The following RBFOX1 variants were observed in gnomAD, a reference collection of about 807,000 sequenced individuals.
RBFOX1 encodes the protein RNA binding fox-1 homolog 1.
Under a neutral mutation model 57.7 loss-of-function variants are expected in RBFOX1, and 8 were observed. The observed-to-expected ratio is 0.14, with a 90% CI of 0.08 to 0.25. The LOEUF (loss-of-function observed/expected upper bound fraction) is 0.25. Among genes scored for constraint, RBFOX1 ranks in the 10% least tolerant of loss-of-function variants. The pLI, the probability that RBFOX1 is intolerant of heterozygous loss-of-function variation, is 1.00. For missense variants in RBFOX1, 611 were observed against 548.5 expected (o/e 1.11, Z -1.14); for synonymous variants, 326 against 222.4 (o/e 1.47, Z -4.15).
chr16:5,614,821 C>T (rs1001139837), intron 3 of RBFOX1, among the ~76,000 whole-genome samples: 1 of 152,078 alleles, frequency 6.6e-6, no homozygotes, highest in African/African-American at 2.4e-5. Flanking sequence ...CATTCCTGGC[C>T]AAGATAATAT....
intron 2 of RBFOX1, among the ~76,000 whole-genome samples, chr16:6,419,214 T>G (rs113636261): frequency 0.018 from 2,685 of 152,296 alleles, 32 homozygotes; most frequent in Middle Eastern, 0.031. Flanking sequence ...GAATGCCCCC[T>G]CCTTTTTGAA....
intron 1 of RBFOX1, among the ~76,000 whole-genome samples, chr16:5,341,453 T>C (rs2065030784): frequency 6.6e-6 from 1 of 151,880 alleles, no homozygotes; most frequent in South Asian, 2.1e-4. Context: ...AAAAAAGTGA[T>C]TGGATTGAGG....
intron 3 of RBFOX1, among the ~76,000 whole-genome samples, chr16:5,782,445 T>C (rs13380566): frequency 0.32 from 48,312 of 152,072 alleles, 8,062 homozygotes; most frequent in East Asian, 0.55. Flanking sequence ...GCCCTTATGA[T>C]TTACGCATGT....
At chr16:5,552,827 A>G (rs1303354337) in intron 2 of RBFOX1, among the ~76,000 whole-genome samples, 5 of 99,512 alleles carry the variant, frequency 5.0e-5, no homozygotes, top group African/African-American at 3.9e-5. Flanking sequence ...CGGAGCAGAT[A>G]CAGCCCTTGG....
In RBFOX1 at chr16:6,761,500, C is replaced by CTTTTTTTTTTTTTTTTTT. The variant is rs869243278; in HGVS notation, c.-16+106858_-16+106875dup. Among the ~76,000 whole-genome samples the CTTTTTTTTTTTTTTTTTT allele has an allele frequency of 3.3e-5, 2 of 60,128 alleles. 1 individual carries two copies. The allele number at this position is 60,128 out of a possible 152,430, so 39.4% of individuals were successfully genotyped here. A position where few individuals can be genotyped will look rare whatever the true frequency, so the allele number is the denominator to read the frequency against. On this transcript the variant is annotated intron_variant, in intron 3 of 15. Transcript: ENST00000550418. Reference sequence around the variant, plus strand: ...AATAGTTTTCCTTTCTCCCAATCTCCTTTTTTTTTTTTTTTTTTTTTTTTT... The same window carrying CTTTTTTTTTTTTTTTTTT: ...AATAGTTTTCCTTTCTCCCAATCTCCTTTTTTTTTTTTTTTTTTTTTTTTTTTTTTTTTTTTTTTTTTT...
intron 3 of RBFOX1, among the ~76,000 whole-genome samples, chr16:5,605,362 A>C (rs1774986190): frequency 6.6e-6 from 1 of 152,172 alleles, no homozygotes; most frequent in African/African-American, 2.4e-5. Flanking sequence ...GTAACACCTC[A>C]TTTATAGACG....
chr16:7,443,228 G>A (rs1407209373), intron 4 of RBFOX1, among the ~76,000 whole-genome samples: 2 of 151,810 alleles, frequency 1.3e-5, no homozygotes, highest in African/African-American at 4.8e-5. Flanking sequence ...ATTAAAAGCT[G>A]CCAACAAATG....
At chr16:5,504,495 C>T (rs571011171) in intron 2 of RBFOX1, among the ~76,000 whole-genome samples, 5 of 152,356 alleles carry the variant, frequency 3.3e-5, no homozygotes, top group Admixed American at 1.3e-4. Context: ...TGTCCACACA[C>T]GCACGATCAT....
intron 4 of RBFOX1, among the ~76,000 whole-genome samples, chr16:7,223,689 C>G (rs966622663): frequency 4.1e-5 from 6 of 145,720 alleles, no homozygotes; most frequent in African/African-American, 1.5e-4. Flanking sequence ...TTAAATTCCC[C>G]ACTATATGCC....
At chr16:5,548,014 A>T (rs1044245847) in intron 2 of RBFOX1, among the ~76,000 whole-genome samples, 1 of 151,564 alleles carries the variant, frequency 6.6e-6, no homozygotes, top group Non-Finnish European at 1.5e-5. Flanking sequence ...AAAAAAAATT[A>T]ACCGGGCGTG....
intron 4 of RBFOX1, among the ~76,000 whole-genome samples, chr16:7,447,803 G>C (rs1242595452): frequency 6.6e-6 from 1 of 152,216 alleles, no homozygotes; most frequent in African/African-American, 2.4e-5. Flanking sequence ...TCTTGTTATG[G>C]GAAAGCAGGA....
chr16:6,869,275 G>T (rs1232132024), intron 3 of RBFOX1, among the ~76,000 whole-genome samples: 4 of 152,110 alleles, frequency 2.6e-5, no homozygotes, highest in Non-Finnish European at 5.9e-5. Context: ...TTTCTCATAA[G>T]AACCTTATCA....
At chr16:5,540,142 G>A (rs2044871838) in intron 2 of RBFOX1, among the ~76,000 whole-genome samples, 1 of 152,286 alleles carries the variant, frequency 6.6e-6, no homozygotes, top group South Asian at 2.1e-4. Context: ...GGAAGCCGAA[G>A]CCTTTTGCAA....
intron 4 of RBFOX1, among the ~76,000 whole-genome samples, chr16:7,071,716 C>T (rs115346255): frequency 0.01 from 1,531 of 151,972 alleles, 30 homozygotes; most frequent in African/African-American, 0.035. Flanking sequence ...TTCTAGGTCC[C>T]TATACACAAA....
chr16:7,146,428 G>T (rs1229405935), intron 4 of RBFOX1, among the ~76,000 whole-genome samples: 1 of 152,190 alleles, frequency 6.6e-6, no homozygotes, highest in Non-Finnish European at 1.5e-5. Context: ...CTACCCAGCA[G>T]CTCTGTCACC....
intron 3 of RBFOX1, among the ~76,000 whole-genome samples, chr16:6,665,195 A>C (rs7202486): frequency 0.98 from 149,446 of 152,282 alleles, 73,386 homozygotes; most frequent in Middle Eastern, 1. Flanking sequence ...TGGCTTAGTA[A>C]AGTTCCTGGA....
chr16:6,054,086 T>G (rs1596745732), intron 1 of RBFOX1, among the ~76,000 whole-genome samples: 1 of 151,890 alleles, frequency 6.6e-6, no homozygotes, highest in East Asian at 1.9e-4. Flanking sequence ...AAGAAAGAAA[T>G]AAATGGCACC....
In RBFOX1 at chr16:5,502,929, G is replaced by C. The variant is rs565916337; in HGVS notation, c.258+35675G>C. On this transcript the variant is annotated intron_variant, in intron 2 of 2. Transcript: ENST00000585867. ...CCTAGAAAGATGGACTCCCCCTGCA[G>C]AGGAAATTCTGATCTTGCTACAACG... Among the ~76,000 whole-genome samples the C allele has an allele frequency of 2.6e-5, 4 of 152,336 alleles. No individual in the cohort carries two copies. The South Asian group carries it at 8.3e-4, about 32-fold the overall frequency.
chr16:7,133,465 T>G (rs1481128095), intron 4 of RBFOX1, among the ~76,000 whole-genome samples: 1 of 152,032 alleles, frequency 6.6e-6, no homozygotes, highest in African/African-American at 2.4e-5. Context: ...AAAAGCAAGG[T>G]TTTTAGAGGC....
Sources: allele counts gnomAD v4.1 joint callset (sites outside exome capture counted in the v4.1 genomes callset), GRCh38; gene constraint gnomAD v4.1.1; transcripts MANE v1.5; gene names NCBI Gene and HGNC (gene_info 2026-07-23, HGNC 2026-07-21).